Variants in TBX5 observed in about 807,000 individuals in gnomAD.
The protein encoded by TBX5 is T-box transcription factor 5.
In TBX5, 8 loss-of-function variants were observed where a neutral mutation model predicts 51.1. That is an observed-to-expected ratio of 0.16 (90% CI 0.09 to 0.28). The LOEUF is 0.28. Ranked by LOEUF, TBX5 falls within the 10% of genes least tolerant of loss-of-function variation. The pLI is 1.00. For synonymous variants in TBX5, 302 were observed against 266.4 expected, an observed-to-expected ratio of 1.13 and a Z score of -1.30; for missense variants, 589 against 671.7, an observed-to-expected ratio of 0.88 and a Z score of 1.36.
At chr12:114,387,760 G>A (rs1870900615) in intron 6 of TBX5, among the ~76,000 whole-genome samples, 2 of 152,170 alleles carry the variant, frequency 1.3e-5, no homozygotes, top group Non-Finnish European at 1.5e-5. Context: ...TGCATGTGGT[G>A]GGGAGAAGCT....
At chr12:114,378,430 C>G (rs2136389431) in intron 7 of TBX5, among the ~76,000 whole-genome samples, 1 of 152,302 alleles carries the variant, frequency 6.6e-6, no homozygotes, top group Middle Eastern at 3.4e-3. Flanking sequence ...GCAAGTCAAC[C>G]TGGCATCTGG....
Position 114,355,448 on chromosome 12 carries a change from T to C in TBX5, c.*84A>G. ...AAAAATCTTGTCCGTGGGGTTCTCT[T>C]GGCTACTGTCTCTCTCCTTCTCTCT... On this transcript the variant is annotated 3_prime_UTR_variant, in exon 9 of 9. Transcript: ENST00000405440. 6.5e-7 allele frequency: 1 copy of C among 1,534,944 alleles called. No homozygotes were observed. The highest frequency in any genetic ancestry group is 1.2e-5 in the South Asian group (1 of 85,076).
At chr12:114,406,793 G>A (rs1283123999), upstream of TBX5, among the ~76,000 whole-genome samples, 8 of 152,104 alleles carry the variant, frequency 5.3e-5, no homozygotes, top group African/African-American at 1.9e-4. Context: ...CTGGGGACTG[G>A]CTAGGGTTTT....
At chr12:114,368,936 G>A (rs771067658) in intron 7 of TBX5, among the ~76,000 whole-genome samples, 1 of 152,086 alleles carries the variant, frequency 6.6e-6, no homozygotes, top group Non-Finnish European at 1.5e-5. Context: ...TCCCCCTGGG[G>A]CCAGGAGGCT....
At chr12:114,370,282 AGAAAAGAAAGAAAAG>A (rs1268599537) in intron 7 of TBX5, among the ~76,000 whole-genome samples, 9 of 69,894 alleles carry the variant, frequency 1.3e-4, no homozygotes, top group African/African-American at 2.8e-4. Context: ...AGAAAAGAAA[AGAAAAGAAAGAAAAG>A]AAAAGAAAAG....
At chr12:114,400,633 G>A (rs964762872) in intron 3 of TBX5, among the ~76,000 whole-genome samples, 1 of 152,192 alleles carries the variant, frequency 6.6e-6, no homozygotes, top group Non-Finnish European at 1.5e-5. Flanking sequence ...GAGCGAGCGC[G>A]CCCGGAGGCG....
intron 8 of TBX5, among the ~76,000 whole-genome samples, chr12:114,363,354 A>T (rs1388473170): frequency 6.6e-6 from 1 of 152,206 alleles, no homozygotes; most frequent in African/African-American, 2.4e-5. Flanking sequence ...ATGAAAGTCA[A>T]GTCATAACCT....
intron 7 of TBX5, among the ~76,000 whole-genome samples, chr12:114,369,173 G>A (rs1036082016): frequency 1.8e-4 from 28 of 152,100 alleles, no homozygotes; most frequent in Non-Finnish European, 1.0e-4. Flanking sequence ...TTTTTAATAG[G>A]AACAGTTTTT....
intron 1 of TBX5, among the ~76,000 whole-genome samples, 195 bp downstream of exon 1, chr12:114,405,433 C>G (rs1872145940): frequency 6.6e-6 from 1 of 152,194 alleles, no homozygotes; most frequent in African/African-American, 2.4e-5. Flanking sequence ...CTTCTGCAAA[C>G]CTCAATGCCG....
At chr12:114,396,823 G>A (rs959741832) in intron 5 of TBX5, among the ~76,000 whole-genome samples, 4 of 152,136 alleles carry the variant, frequency 2.6e-5, no homozygotes, top group African/African-American at 7.2e-5. Flanking sequence ...ACACAGCCAG[G>A]GCGGGTCAGC....
At position 114,405,988 on chromosome 12, in the gene TBX5, A is replaced by T. The variant is rs1872192177; in HGVS notation, c.-399T>A. ...AAGTTGGAAGCCCAGTGAATGGTCG[A>T]AGTCCTTTCTGAGCGCAGCTTTCAG... On this transcript the variant is annotated 5_prime_UTR_variant, in exon 1 of 9. Coordinates refer to ENST00000405440, the MANE Select transcript of TBX5 (RefSeq NM_181486.4). The T allele has an allele frequency of 1.0e-6, 1 of 985,238 alleles. No individual in the cohort carries two copies. The highest frequency in any genetic ancestry group is 6.2e-5 in the Admixed American group (1 of 16,252). The allele number at this position is 985,238 out of a possible 1,614,324, so 61.0% of individuals were successfully genotyped here.
chr12:114,356,187 T>G, intron 8 of TBX5, 81 bp from the exon 9 acceptor site: 1 of 1,313,778 alleles, frequency 7.6e-7, no homozygotes, highest in Non-Finnish European at 1.1e-6. Context: ...TTGGCCAAAG[T>G]ACTGAAGAAT....
chr12:114,356,990 CGATGGATGGATGGATG>C (rs60572224), intron 8 of TBX5, among the ~76,000 whole-genome samples: 235 of 143,316 alleles, frequency 1.6e-3, no homozygotes, highest in African/African-American at 5.6e-3. Context: ...AATATTTGTA[CGATGGATGGATGGATG>C]GATGGATGGA....
At chr12:114,393,382 C>T (rs1469822184) in intron 6 of TBX5, among the ~76,000 whole-genome samples, 3 of 152,122 alleles carry the variant, frequency 2.0e-5, no homozygotes, top group African/African-American at 4.8e-5. Context: ...CAAATCACTG[C>T]TTAATACTCC....
intron 7 of TBX5, among the ~76,000 whole-genome samples, chr12:114,369,736 G>A (rs529048066): frequency 3.9e-5 from 6 of 152,202 alleles, no homozygotes; most frequent in African/African-American, 1.2e-4. Flanking sequence ...AAGGACACAA[G>A]AGAATTAAAG....
At position 114,403,736 on chromosome 12, in the gene TBX5, C is replaced by T. The variant is rs554697806; in HGVS notation, c.147+16G>A. On this transcript the variant is annotated intron_variant, in intron 2 of 8. Transcript: ENST00000405440. ...TTGATCTCTGCAAAGGGACCCGAAG[C>T]GCGAGGTCTCCTTACCTGCTGGGTG... The T allele has an allele frequency of 3.1e-6, 5 of 1,612,112 alleles. No individual in the cohort carries two copies. The highest frequency in any genetic ancestry group is 1.3e-5 in the African/African-American group (1 of 75,042).
intron 7 of TBX5, among the ~76,000 whole-genome samples, chr12:114,374,931 G>A (rs990089499): frequency 1.5e-4 from 23 of 152,198 alleles, no homozygotes; most frequent in Non-Finnish European, 3.2e-4. Flanking sequence ...GGATAGGTGA[G>A]TGGATGGAGG....
At position 114,355,294 on chromosome 12, in the gene TBX5, T is replaced by C; in HGVS notation, c.*238A>G. ...GTGGTAGTGGGGGGTGGGACTCATC[T>C]TTTTGTGTTTGTTTTTTTAAGTTTT... On this transcript the variant is annotated 3_prime_UTR_variant, in exon 9 of 9. Transcript: ENST00000405440. The C allele has an allele frequency of 1.7e-6, 1 of 600,958 alleles. No homozygotes were observed. Among genetic ancestry groups the C allele is most frequent in the South Asian group, 1.6e-5 (1 of 61,214 alleles). The allele number at this position is 600,958 out of a possible 1,614,324, so 37.2% of individuals were successfully genotyped here.
intron 7 of TBX5, among the ~76,000 whole-genome samples, chr12:114,367,544 G>T (rs2136375352): frequency 6.6e-6 from 1 of 152,026 alleles, no homozygotes; most frequent in Non-Finnish European, 1.5e-5. Flanking sequence ...TCCTCAGAAG[G>T]ACTCAGTAGA....
Sources: gnomAD v4.1 joint callset for allele counts (sites outside exome capture counted in the v4.1 genomes callset) on GRCh38, gnomAD v4.1.1 for gene constraint, MANE v1.5 for transcripts, NCBI Gene and HGNC (gene_info 2026-07-23, HGNC 2026-07-21) for gene names.